Variants in AGTPBP1 observed in about 807,000 individuals in gnomAD.
AGTPBP1 encodes ATP/GTP binding carboxypeptidase 1, also known as cytosolic carboxypeptidase 1.
A neutral mutation model predicts 143.9 loss-of-function variants in AGTPBP1; 70 were observed. The ratio of observed to expected loss-of-function variants is 0.49; its 90% CI spans 0.40 to 0.59. The LOEUF is 0.59. Ranked by LOEUF, AGTPBP1 falls within the 20% of genes least tolerant of loss-of-function variation. The pLI is 0.00. For missense variants in AGTPBP1, 1,229 were observed against 1,464.5 expected, an observed-to-expected ratio of 0.84 and a Z score of 2.62; for synonymous variants, 463 against 500.2, an observed-to-expected ratio of 0.93 and a Z score of 0.99.
intron 25 of AGTPBP1, among the ~76,000 whole-genome samples, chr9:85,565,292 C>T (rs541859998): frequency 4.6e-5 from 7 of 152,006 alleles, no homozygotes; most frequent in South Asian, 2.1e-4. Context: ...TACTGTATCT[C>T]GGGAAATAGT....
intron 9 of AGTPBP1, 86 bp from the exon 10 acceptor site, chr9:85,657,729 T>C (rs766445050): frequency 3.5e-6 from 3 of 848,288 alleles, no homozygotes; most frequent in Non-Finnish European, 5.4e-6. Context: ...ATTACCTCAA[T>C]ATTGTGATGG....
chr9:85,652,399 C>G lies in AGTPBP1; in HGVS notation c.1087+2744G>C, dbSNP rs185859107. Reference sequence around the variant, plus strand: ...TGGTGGTGCACACCTGTAGTCCCAGCTACTTGGGTGGCTGAGACAGGAGAA... The same window carrying G: ...TGGTGGTGCACACCTGTAGTCCCAGGTACTTGGGTGGCTGAGACAGGAGAA... On this transcript the variant is annotated intron_variant, in intron 11 of 25. Transcript: ENST00000357081. 1.2e-3 allele frequency among the ~76,000 whole-genome samples: 180 copies of G among 152,082 alleles called. 2 individuals are homozygous for G. The highest frequency in any genetic ancestry group is 4.2e-3 in the African/African-American group (176 of 41,560).
the AGTPBP1 span, among the ~76,000 whole-genome samples, chr9:85,757,881 G>A: frequency 6.6e-6 from 1 of 152,250 alleles, no homozygotes; most frequent in East Asian, 1.9e-4. Flanking sequence ...ACCAGGCACA[G>A]CAAAGGTTGT....
chr9:85,733,727 G>A (rs1437878799), intron 1 of AGTPBP1, among the ~76,000 whole-genome samples: 1 of 152,138 alleles, frequency 6.6e-6, no homozygotes, highest in Admixed American at 6.5e-5. Context: ...AGATTTAAAA[G>A]AGAGAGGACT....
At chr9:85,646,268 C>T in intron 12 of AGTPBP1, 53 bp downstream of exon 12, 1 of 1,329,080 alleles carries the variant, frequency 7.5e-7, no homozygotes, top group Non-Finnish European at 1.1e-6. Flanking sequence ...TTTTGTTTTA[C>T]AACTGTAGTA....
intron 8 of AGTPBP1, among the ~76,000 whole-genome samples, chr9:85,664,881 T>C (rs916162611): frequency 3.3e-5 from 5 of 152,016 alleles, no homozygotes; most frequent in African/African-American, 1.2e-4. Context: ...TAAGAAGCCT[T>C]CTTTGTCAAC....
intron 17 of AGTPBP1, among the ~76,000 whole-genome samples, chr9:85,601,627 AT>A (rs1829676277): frequency 6.6e-6 from 1 of 152,106 alleles, no homozygotes. Context: ...CCCACCACTG[AT>A]CCTCTCATTG....
intron 20 of AGTPBP1, 97 bp downstream of exon 20, chr9:85,589,431 T>C: frequency 6.9e-7 from 1 of 1,448,312 alleles, no homozygotes; most frequent in Non-Finnish European, 9.3e-7. Context: ...AGTCTTCTGA[T>C]GTCTGTTCCT....
the AGTPBP1 span, among the ~76,000 whole-genome samples, chr9:85,779,172 GAGATATAT>G: frequency 7.4e-6 from 1 of 135,850 alleles, no homozygotes; most frequent in African/African-American, 2.8e-5. Flanking sequence ...GAACTAATAG[GAGATATAT>G]AGATATAGAT....
intron 19 of AGTPBP1, among the ~76,000 whole-genome samples, chr9:85,591,941 T>C (rs76525552): frequency 0.011 from 1,639 of 152,294 alleles, 29 homozygotes; most frequent in African/African-American, 0.037. Flanking sequence ...TTTGTTTGTT[T>C]AGTTTTGGTT....
chr9:85,726,133 G>A (rs911863866), intron 1 of AGTPBP1, among the ~76,000 whole-genome samples: 3 of 149,698 alleles, frequency 2.0e-5, no homozygotes, highest in Admixed American at 6.7e-5. Flanking sequence ...GGGAGGGTGA[G>A]GTAGAAGGAT....
chr9:85,727,476 C>A (rs1838579654), intron 1 of AGTPBP1, among the ~76,000 whole-genome samples: 1 of 152,188 alleles, frequency 6.6e-6, no homozygotes, highest in Admixed American at 6.5e-5. Flanking sequence ...GCTCATTCAA[C>A]AGTGTTTAAA....
At chr9:85,779,234 T>TAGATATAGATATAGATAC in the AGTPBP1 span, among the ~76,000 whole-genome samples, 1 of 130,484 alleles carries the variant, frequency 7.7e-6, no homozygotes, top group Non-Finnish European at 1.7e-5. Context: ...GATATAGATA[T>TAGATATAGATATAGATAC]AGATATAGAT....
At chr9:85,658,607 A>T (rs1166758601) in intron 9 of AGTPBP1, among the ~76,000 whole-genome samples, 1 of 152,124 alleles carries the variant, frequency 6.6e-6, no homozygotes, top group African/African-American at 2.4e-5. Flanking sequence ...CACCTATAAA[A>T]TACCCACCAG....
the AGTPBP1 span, among the ~76,000 whole-genome samples, chr9:85,755,750 C>A: frequency 4.5e-4 from 69 of 152,312 alleles, no homozygotes; most frequent in African/African-American, 1.6e-3. Flanking sequence ...TGGAACTGTG[C>A]AGCACTACAA....
chr9:85,701,497 T>C (rs1024538375), intron 2 of AGTPBP1, among the ~76,000 whole-genome samples: 16 of 152,198 alleles, frequency 1.1e-4, no homozygotes, highest in African/African-American at 3.9e-4. Flanking sequence ...CCCAAAGTGC[T>C]GGGATTACAG....
At chr9:85,683,787 C>T (rs1031073236) in intron 3 of AGTPBP1, among the ~76,000 whole-genome samples, 2 of 152,150 alleles carry the variant, frequency 1.3e-5, no homozygotes, top group African/African-American at 4.8e-5. Context: ...GGCCCATAAC[C>T]TCCTAACATT....
In AGTPBP1 at chr9:85,741,912, G is replaced by GGCGGCGGCAGCT. The variant is rs1554747186; in HGVS notation, c.-183_-172dup. 1.5e-4 allele frequency: 204 copies of GGCGGCGGCAGCT among 1,329,878 alleles called. No individual in the cohort carries two copies. Among genetic ancestry groups the GGCGGCGGCAGCT allele is most frequent in the Middle Eastern group, 5.7e-4 (2 of 3,518 alleles). 82.4% of individuals were successfully genotyped at this position (1,329,878 alleles called of 1,614,324 possible). On this transcript the variant is annotated 5_prime_UTR_variant, in exon 1 of 26. Transcript: ENST00000357081. ...CGGTGGCAGGCGAGGCGGAGGCGGC[G>GGCGGCGGCAGCT]GCGGCGGCAGCTGCGGCGGCGGCGC... is the stretch of plus-strand genomic sequence containing the variant.
chr9:85,657,940 AG>A (rs1226549889), intron 9 of AGTPBP1, among the ~76,000 whole-genome samples: 2 of 152,154 alleles, frequency 1.3e-5, no homozygotes, highest in African/African-American at 4.8e-5. Context: ...TACTAACAAA[AG>A]CTTCAGGTAT....
Sources: gnomAD v4.1 joint callset for allele counts (sites outside exome capture counted in the v4.1 genomes callset) on GRCh38, gnomAD v4.1.1 for gene constraint, MANE v1.5 for transcripts, NCBI Gene and HGNC (gene_info 2026-07-23, HGNC 2026-07-21) for gene names.